Variants in BFSP1 observed in about 807,000 individuals in gnomAD.
BFSP1 encodes beaded filament structural protein 1.
Under a neutral mutation model 43.9 loss-of-function variants are expected in BFSP1, and 38 were observed. The observed-to-expected ratio is 0.87, with a 90% CI of 0.67 to 1.14. The LOEUF (loss-of-function observed/expected upper bound fraction) is 1.14. BFSP1 is among the 50% of genes most tolerant of loss of function. BFSP1 has a pLI of 0.00. For missense variants in BFSP1, 850 were observed against 875.1 expected, an observed-to-expected ratio of 0.97 and a Z score of 0.36; for synonymous variants, 352 against 354.8, an observed-to-expected ratio of 0.99 and a Z score of 0.09.
At chr20:17,561,728 G>A (rs1443097260), upstream of BFSP1, among the ~76,000 whole-genome samples, 1 of 152,160 alleles carries the variant, frequency 6.6e-6, no homozygotes, top group East Asian at 1.9e-4. Context: ...ATGTGTGTAT[G>A]CAAGGAACCG....
rs145873407 is a variant in BFSP1, at chr20:17,545,005, T to C, written c.2+13683A>G. On this transcript the variant is annotated intron_variant, in intron 1 of 7. Coordinates refer to the BFSP1 transcript ENST00000377868. ...ATCTGTTACATAATCTGATCATTTGTGTTCTTGTCATGTGAAAAGGGGAAA... is the reference window on the plus strand; with the variant it reads ...ATCTGTTACATAATCTGATCATTTGCGTTCTTGTCATGTGAAAAGGGGAAA... Among the ~76,000 whole-genome samples, 1,019 of 152,352 alleles carry C rather than the reference T, an allele frequency of 6.7e-3. 10 individuals carry two copies. The highest frequency in any genetic ancestry group is 0.022 in the African/African-American group (919 of 41,568).
Position 17,525,515 on chromosome 20 carries a change from G to A in BFSP1, c.378-607C>T, listed in dbSNP as rs2034401878. On this transcript the variant is annotated intron_variant, in intron 1 of 7. Transcript: ENST00000377873. The surrounding 1 kb of genome is among the most constrained non-coding windows in gnomAD (Gnocchi z 4.2). ...CAGCGATGGCCTCCTCTGGGCAAAT[G>A]GGTGGGGCAGGCTGGACGTGCCAGG... Among the ~76,000 whole-genome samples, 1 of 152,210 alleles carries A rather than the reference G, an allele frequency of 6.6e-6. No individual in the cohort carries two copies. The highest frequency in any genetic ancestry group is 1.5e-5 in the Non-Finnish European group (1 of 68,048).
intron 6 of BFSP1, among the ~76,000 whole-genome samples, chr20:17,497,621 TAC>T (rs527353577): frequency 1.4e-5 from 2 of 147,524 alleles, no homozygotes; most frequent in African/African-American, 2.5e-5. Flanking sequence ...TATATACATA[TAC>T]ACACACATAT....
upstream of BFSP1, among the ~76,000 whole-genome samples, chr20:17,534,986 A>G (rs2034603931): frequency 6.6e-6 from 1 of 152,118 alleles, no homozygotes; most frequent in Admixed American, 6.5e-5. Context: ...ACGCCACTGC[A>G]CTCCAACCTA....
At chr20:17,568,459 A>AG (rs10707648) in intron 1 of BFSP1, among the ~76,000 whole-genome samples, 2 of 151,812 alleles carry the variant, frequency 1.3e-5, no homozygotes, top group Non-Finnish European at 2.9e-5. Context: ...AGGAGGATAC[A>AG]GGGGGGTTCC....
chr20:17,507,385 A>G lies in BFSP1; in HGVS notation c.735+1504T>C, dbSNP rs2033964235. ...AAATCCTCCCTTTCACTTGCTGTACACTCTGTTTTTCTTATTATATTTTAG... is the reference window on the plus strand; with the variant it reads ...AAATCCTCCCTTTCACTTGCTGTACGCTCTGTTTTTCTTATTATATTTTAG... On this transcript the variant is annotated intron_variant, in intron 5 of 7. Coordinates refer to ENST00000377873, the MANE Select transcript of BFSP1 (RefSeq NM_001195.5). This position sits in a 1 kb window ranked among gnomAD's most constrained non-coding sequence, Gnocchi z 4.4. 6.6e-6 allele frequency among the ~76,000 whole-genome samples: 1 copy of G among 151,284 alleles called. No homozygotes were observed. Among genetic ancestry groups the G allele is most frequent in the Non-Finnish European group, 1.5e-5 (1 of 67,820 alleles).
In BFSP1 at chr20:17,494,914, C is replaced by T. The variant is rs1435731700; in HGVS notation, c.1158G>A (p.Leu386=). The T allele has an allele frequency of 3.1e-6, 5 of 1,614,194 alleles. No individual in the cohort carries two copies. In the South Asian group the frequency reaches 4.4e-5, roughly 14 times the overall value. The change falls in exon 8 of 8, where the codon CTG becomes CTA. Residue 386 remains leucine (L), a synonymous_variant. Coordinates refer to ENST00000377873, the MANE Select transcript of BFSP1 (RefSeq NM_001195.5). The part of the protein sequence containing the change: ...IITKDKTNGA[L]EDAPLKGLED... ...CCAAACCTTTTAATGGTGCATCTTC[C>T]AGAGCTCCGTTGGTTTTGTCTTTTG...
At position 17,547,508 on chromosome 20, in the gene BFSP1, T is replaced by G. The variant is rs183304789; in HGVS notation, c.2+11180A>C. Among the ~76,000 whole-genome samples the G allele has an allele frequency of 9.4e-4, 143 of 152,298 alleles. 5 individuals carry two copies. In the East Asian group the frequency reaches 0.017, roughly 18 times the overall value. ...TGTTGAAGCCTGGAAGACATAAACT[T>G]TAACCATCTGTACCCCTGTTGAATA... On this transcript the variant is annotated intron_variant, in intron 1 of 7. Transcript: ENST00000377868.
chr20:17,520,514 CT>C (rs2034300611), intron 2 of BFSP1, among the ~76,000 whole-genome samples: 1 of 152,198 alleles, frequency 6.6e-6, no homozygotes, highest in Non-Finnish European at 1.5e-5. Context: ...TTAAAAAACA[CT>C]TTTCCTTCAA....
intron 2 of BFSP1, 52 bp downstream of exon 2, chr20:17,524,796 C>T (rs966340213): frequency 1.3e-6 from 2 of 1,574,398 alleles, no homozygotes; most frequent in Non-Finnish European, 8.7e-7. Flanking sequence ...TTCCACCATT[C>T]CATTCAACAC....
rs1387840819 is a variant in BFSP1 at position 17,531,378 on chromosome 20, A to C, written c.-49T>G. ...GGCGGCGCCGAGCCGGCTCTCCAGG[A>C]GGCCCCCGGCGCAGCCCGCAGCCCG... On this transcript the variant is annotated 5_prime_UTR_variant, in exon 1 of 8. Transcript: ENST00000377873. 13 of 1,300,080 alleles carry C rather than the reference A, an allele frequency of 1.0e-5. No homozygotes were observed. The highest frequency in any genetic ancestry group is 1.2e-5 in the Non-Finnish European group (12 of 1,027,348). The allele number at this position is 1,300,080 out of a possible 1,614,324, so 80.5% of individuals were successfully genotyped here. A position where few individuals can be genotyped will look rare whatever the true frequency, so the allele number is the denominator to read the frequency against.
chr20:17,543,339 C>T (rs1297281085), intron 1 of BFSP1, among the ~76,000 whole-genome samples: 1 of 152,162 alleles, frequency 6.6e-6, no homozygotes, highest in Non-Finnish European at 1.5e-5. Flanking sequence ...TGTTGTCTTT[C>T]ACATTAGGAA....
chr20:17,554,430 A>G (rs1337551792), intron 1 of BFSP1, among the ~76,000 whole-genome samples: 1 of 152,232 alleles, frequency 6.6e-6, no homozygotes, highest in Non-Finnish European at 1.5e-5. Flanking sequence ...CAGAGAACAC[A>G]CCTCAAGCCC....
At chr20:17,563,430 G>A (rs2035086726), upstream of BFSP1, among the ~76,000 whole-genome samples, 1 of 132,534 alleles carries the variant, frequency 7.5e-6, no homozygotes, top group Non-Finnish European at 1.5e-5. Flanking sequence ...AGAGTCTCGT[G>A]CTGTTGCCTC....
chr20:17,531,994 T>G (rs1212905610), upstream of BFSP1, among the ~76,000 whole-genome samples: 1 of 152,162 alleles, frequency 6.6e-6, no homozygotes, highest in Non-Finnish European at 1.5e-5. Context: ...GCAAGTAATT[T>G]CTTAGTAATA....
chr20:17,553,828 T>TACAC (rs1568717976), intron 1 of BFSP1, among the ~76,000 whole-genome samples: 1 of 104,046 alleles, frequency 9.6e-6, no homozygotes, highest in Non-Finnish European at 1.8e-5. Flanking sequence ...CACACACATA[T>TACAC]ATATATATAC....
At chr20:17,537,568 C>CAAAAAAAAAAAAAAAAAAAAAA in intron 1 of BFSP1, among the ~76,000 whole-genome samples, 1 of 63,824 alleles carries the variant, frequency 1.6e-5, no homozygotes, top group African/African-American at 5.8e-5. Flanking sequence ...ACTGAAGCAC[C>CAAAAAAAAAAAAAAAAAAAAAA]AAAAAAAAAA....
chr20:17,555,957 A>G (rs1191517132), intron 1 of BFSP1, among the ~76,000 whole-genome samples: 1 of 152,220 alleles, frequency 6.6e-6, no homozygotes, highest in Non-Finnish European at 1.5e-5. Flanking sequence ...TGATATTTGT[A>G]TAAGAATGAA....
chr20:17,496,138 C>T (rs920636432), intron 7 of BFSP1, among the ~76,000 whole-genome samples: 3 of 152,214 alleles, frequency 2.0e-5, no homozygotes, highest in African/African-American at 4.8e-5. Flanking sequence ...AAGCTGGGAC[C>T]GTTCTGAGAG....
Sources: allele counts gnomAD v4.1 joint callset (sites outside exome capture counted in the v4.1 genomes callset), GRCh38; gene constraint gnomAD v4.1.1; non-coding constraint Gnocchi (gnomAD v3.1); transcripts MANE v1.5; gene names NCBI Gene and HGNC (gene_info 2026-07-23, HGNC 2026-07-21).